The following CNBD1 variants were observed in gnomAD, a reference collection of about 807,000 sequenced individuals.
CNBD1 encodes cyclic nucleotide binding domain containing 1.
CNBD1 carries 71 observed loss-of-function variants against 54.4 expected under a neutral mutation model. The ratio of observed to expected loss-of-function variants is 1.30; its 90% confidence interval spans 1.08 to 1.59. CNBD1 has a LOEUF of 1.59. Ranked by LOEUF, CNBD1 falls within the 40% of genes most tolerant of loss-of-function variation. The probability of loss-of-function intolerance (pLI) is 0.00; values close to 1 mark genes in which losing one functional copy is unlikely to be tolerated. For missense variants in CNBD1, 659 were observed against 518.0 expected (o/e 1.27, Z -2.64); for synonymous variants, 182 against 170.7 (o/e 1.07, Z -0.51).
chr8:87,372,371 T>C (rs535948165), intron 10 of CNBD1, among the ~76,000 whole-genome samples: 1 of 152,104 alleles, frequency 6.6e-6, no homozygotes, highest in East Asian at 1.9e-4. Flanking sequence ...GGTTCTTAAA[T>C]GTATACTTTG....
chr8:87,085,301 T>C (rs1811074552), intron 4 of CNBD1, among the ~76,000 whole-genome samples: 1 of 152,190 alleles, frequency 6.6e-6, no homozygotes, highest in African/African-American at 2.4e-5. Flanking sequence ...CCTTGTCTTC[T>C]AGTAGTGTGC....
At chr8:87,346,256 G>C (rs974830661) in intron 8 of CNBD1, among the ~76,000 whole-genome samples, 2 of 151,982 alleles carry the variant, frequency 1.3e-5, no homozygotes, top group African/African-American at 4.8e-5. Context: ...GGGTAGGCTT[G>C]TCTTGAACTC....
chr8:86,980,146 C>T (rs1351701986), intron 4 of CNBD1, among the ~76,000 whole-genome samples: 1 of 152,190 alleles, frequency 6.6e-6, no homozygotes, highest in Non-Finnish European at 1.5e-5. Flanking sequence ...AAATGTATCA[C>T]TTTAAAGAAT....
At chr8:87,058,247 G>T (rs1466638791) in intron 4 of CNBD1, among the ~76,000 whole-genome samples, 1 of 152,220 alleles carries the variant, frequency 6.6e-6, no homozygotes, top group Non-Finnish European at 1.5e-5. Context: ...CTCCACCCCT[G>T]TTGCTTTGCG....
intron 4 of CNBD1, among the ~76,000 whole-genome samples, chr8:86,956,822 T>A (rs1807784444): frequency 6.6e-6 from 1 of 152,164 alleles, no homozygotes; most frequent in Non-Finnish European, 1.5e-5. Context: ...ACCCTCTATT[T>A]CTTTCTCCTG....
intron 1 of CNBD1, among the ~76,000 whole-genome samples, chr8:86,884,915 T>G (rs533353330): frequency 1.6e-3 from 242 of 152,338 alleles, no homozygotes; most frequent in Non-Finnish European, 1.9e-3. Flanking sequence ...CTAACTCTGC[T>G]CTGACATTTC....
rs543793438 is a variant in CNBD1, at chr8:86,899,958, C to T, written c.159-5123C>T. Reference sequence around the variant, plus strand: ...GTATCAGTGACTGCCTTCAGCACACCCTACCCCTCCTCTCTGCCCATTGGT... The same window carrying T: ...GTATCAGTGACTGCCTTCAGCACACTCTACCCCTCCTCTCTGCCCATTGGT... On this transcript the variant is annotated intron_variant, in intron 2 of 10. Transcript: ENST00000518476. 2.0e-5 allele frequency among the ~76,000 whole-genome samples: 3 copies of T among 152,168 alleles called. No homozygotes were observed. The East Asian group carries it at 5.8e-4, about 30-fold the overall frequency.
At chr8:87,268,939 T>A (rs1808312967) in intron 6 of CNBD1, among the ~76,000 whole-genome samples, 1 of 152,120 alleles carries the variant, frequency 6.6e-6, no homozygotes. Context: ...AGGTCCTACT[T>A]GTCAAGTTTT....
chr8:86,949,440 A>G (rs1018502621), intron 4 of CNBD1, among the ~76,000 whole-genome samples: 15 of 152,070 alleles, frequency 9.9e-5, no homozygotes, highest in Admixed American at 8.5e-4. Flanking sequence ...AGTGTTATAT[A>G]GTTTTCTTTA....
chr8:87,068,320 T>G (rs1252654130), intron 4 of CNBD1, among the ~76,000 whole-genome samples: 1 of 152,016 alleles, frequency 6.6e-6, no homozygotes, highest in African/African-American at 2.4e-5. Flanking sequence ...AATATATAAT[T>G]ACAATGGTAA....
At chr8:87,161,970 TATG>T (rs1441719885) in intron 4 of CNBD1, among the ~76,000 whole-genome samples, 13 of 152,010 alleles carry the variant, frequency 8.6e-5, no homozygotes, top group African/African-American at 3.1e-4. Context: ...AAGACAAAAA[TATG>T]ATGATAATAC....
intron 4 of CNBD1, among the ~76,000 whole-genome samples, chr8:87,005,107 G>T (rs112585924): frequency 6.6e-6 from 1 of 151,910 alleles, no homozygotes; most frequent in African/African-American, 2.4e-5. Flanking sequence ...GTCTCAGCAG[G>T]GCACGGTGGC....
intron 4 of CNBD1, among the ~76,000 whole-genome samples, chr8:87,106,906 T>G (rs935442967): frequency 9.9e-5 from 15 of 151,558 alleles, no homozygotes; most frequent in Admixed American, 8.5e-4. Flanking sequence ...CTCGGCTTAC[T>G]GCAACCTCCA....
At position 86,915,281 on chromosome 8, in the gene CNBD1, A is replaced by C. The variant is rs563702618; in HGVS notation, c.272+10087A>C. On this transcript the variant is annotated intron_variant, in intron 3 of 10. Transcript: ENST00000518476. ...CACTGGACATGCAAAAAGCCTGAAA[A>C]GACATATCAAAAGGCCAATTTTAGA... Among the ~76,000 whole-genome samples the C allele has an allele frequency of 6.6e-5, 10 of 152,270 alleles. No individual in the cohort carries two copies. The South Asian group carries it at 2.1e-3, about 32-fold the overall frequency.
chr8:87,303,280 A>G (rs1251119421), intron 8 of CNBD1, among the ~76,000 whole-genome samples: 1 of 152,110 alleles, frequency 6.6e-6, no homozygotes, highest in East Asian at 1.9e-4. Context: ...TACTGGTACC[A>G]AAACAGAGAT....
intron 6 of CNBD1, among the ~76,000 whole-genome samples, chr8:87,248,242 A>C (rs181299024): frequency 1.3e-5 from 2 of 152,300 alleles, no homozygotes; most frequent in African/African-American, 2.4e-5. Flanking sequence ...ATTGTGCCTC[A>C]ATATCTTCTG....
chr8:86,895,134 A>G (rs1052273329), intron 2 of CNBD1, among the ~76,000 whole-genome samples: 2 of 152,102 alleles, frequency 1.3e-5, no homozygotes, highest in African/African-American at 4.8e-5. Context: ...ACCTTACAAC[A>G]CTGTGGCACT....
chr8:87,179,899 T>G (rs2130776435), intron 4 of CNBD1, among the ~76,000 whole-genome samples: 1 of 152,298 alleles, frequency 6.6e-6, no homozygotes, highest in East Asian at 1.9e-4. Context: ...GATTATTTAC[T>G]AACAAACAGG....
intron 4 of CNBD1, among the ~76,000 whole-genome samples, chr8:86,945,589 A>G (rs1807447533): frequency 6.6e-6 from 1 of 152,176 alleles, no homozygotes; most frequent in African/African-American, 2.4e-5. Flanking sequence ...TGAAAAATAC[A>G]GTATTTTGGA....
Sources: allele counts gnomAD v4.1 joint callset (sites outside exome capture counted in the v4.1 genomes callset), GRCh38; gene constraint gnomAD v4.1.1; transcripts MANE v1.5; gene names NCBI Gene and HGNC (gene_info 2026-07-23, HGNC 2026-07-21).